The following TMC4 variants were observed in gnomAD, a reference collection of about 807,000 sequenced individuals.
The protein encoded by TMC4 is voltage-gated chloride channel TMC4.
TMC4 carries 70 observed loss-of-function variants against 82.0 expected under a neutral mutation model. That is an observed-to-expected ratio of 0.85 (90% CI 0.70 to 1.04). The LOEUF (loss-of-function observed/expected upper bound fraction) is 1.04, where lower values mean the gene tolerates loss of function less well. Ranked by LOEUF, TMC4 falls within the 50% of genes least tolerant of loss-of-function variation. TMC4 has a pLI of 0.00. For missense variants in TMC4, 879 were observed against 899.0 expected, an observed-to-expected ratio of 0.98 and a Z score of 0.28; for synonymous variants, 446 against 406.0, an observed-to-expected ratio of 1.10 and a Z score of -1.18.
chr19:54,167,834 G>A (rs553953990), intron 5 of TMC4, among the ~76,000 whole-genome samples: 5 of 151,786 alleles, frequency 3.3e-5, no homozygotes, highest in East Asian at 4.0e-4. Context: ...AGGCCGAGGC[G>A]GGTGGATCAC....
rs2075530054 is a variant in TMC4, at chr19:54,160,922, G to A, written c.1929C>T (p.Phe643=). The A allele has an allele frequency of 1.2e-6, 2 of 1,614,158 alleles. No homozygotes were observed. The highest frequency in any genetic ancestry group is 1.3e-5 in the African/African-American group (1 of 75,034). Residue 643 remains phenylalanine, a synonymous_variant, in exon 13 of 15, where the codon TTC becomes TTT. Transcript: ENST00000619895. The part of the protein sequence containing the change: ...LPETTQNFLF[F]LGTQAFAVPL... ...GCACAGCAAAAGCCTGGGTCCCCAGGAAGAAGAGGAAATTCTGGGTGGTCT... is the reference window on the plus strand; with the variant it reads ...GCACAGCAAAAGCCTGGGTCCCCAGAAAGAAGAGGAAATTCTGGGTGGTCT...
chr19:54,168,401 T>C (rs573919792), intron 4 of TMC4, 47 bp downstream of exon 4: 139 of 1,519,492 alleles, frequency 9.1e-5, no homozygotes, highest in South Asian at 3.9e-4. Flanking sequence ...TTGAAGGCAC[T>C]GGGGTCACAG....
Position 54,163,755 on chromosome 19 carries a change from G to A in TMC4, c.1246C>T (p.Arg416Trp), listed in dbSNP as rs116032274. The A allele has an allele frequency of 2.6e-5, 42 of 1,613,960 alleles. No homozygotes were observed. In the East Asian group the frequency reaches 8.5e-4, roughly 33 times the overall value. Residue 416 changes from arginine to tryptophan, a missense_variant, in exon 8 of 15, where the codon CGG becomes TGG. By Grantham distance (101) the Arg-to-Trp change is moderately radical. Coordinates refer to ENST00000619895, the MANE Select transcript of TMC4 (RefSeq NM_144686.4). ...AGGATAAAAACGATCTGGCGACTCCGAGTGTAGCCCTCCAGTGGAGCAATG... is the reference window on the plus strand; with the variant it reads ...AGGATAAAAACGATCTGGCGACTCCAAGTGTAGCCCTCCAGTGGAGCAATG... ...KLIAPLEGYT[R>W]SRQIVFILLR...
intron 8 of TMC4, 119 bp downstream of exon 8, chr19:54,163,605 A>G (rs539626303): frequency 1.6e-6 from 2 of 1,275,402 alleles, no homozygotes; most frequent in Non-Finnish European, 2.3e-6. Flanking sequence ...CAACAGAGTC[A>G]GGATTTGAAT....
rs77486722 is a variant in TMC4, at chr19:54,172,645, G to C, written c.79+394C>G. ...CTCAGGCCCAGGAGTCCGGGTGCCA[G>C]CCTCTACTTCCCCTGGACCCAGGGG... On this transcript the variant is annotated intron_variant, in intron 1 of 14. Coordinates refer to ENST00000619895, the MANE Select transcript of TMC4 (RefSeq NM_144686.4). 6 of 278,986 alleles carry C rather than the reference G, an allele frequency of 2.2e-5. No individual in the cohort carries two copies. In the Admixed American group the frequency reaches 2.6e-4, roughly 12 times the overall value. The allele number at this position is 278,986 out of a possible 1,614,324, so 17.3% of individuals were successfully genotyped here.
At chr19:54,160,396 G>A (rs2075510304) in intron 14 of TMC4, 22 bp from the exon 15 acceptor site, 2 of 1,572,356 alleles carry the variant, frequency 1.3e-6, no homozygotes, top group East Asian at 4.5e-5. Flanking sequence ...AGAGGTGGAG[G>A]TGAGACAATC....
chr19:54,163,312 T>C (rs1385306156), intron 8 of TMC4, 153 bp from the exon 9 acceptor site: 671 of 312,474 alleles, frequency 2.1e-3, no homozygotes, highest in Admixed American at 2.9e-3. Context: ...TTCTTTCTTT[T>C]TTTTTTTTTT....
Position 54,161,064 on chromosome 19 carries a change from T to A in TMC4, c.1818-31A>T, listed in dbSNP as rs748508222. ...GTCAAGACAGGCTGGGCTCACATAG[T>A]GCCAGGAGTCTGAACACTGAATGGG... is the stretch of plus-strand genomic sequence containing the variant. On this transcript the variant is annotated intron_variant, in intron 12 of 14. Transcript: ENST00000619895. 3.1e-6 allele frequency: 5 copies of A among 1,612,768 alleles called. No individual in the cohort carries two copies. The South Asian group carries it at 5.5e-5, about 18-fold the overall frequency.
chr19:54,172,633 G>A (rs1467081272), intron 1 of TMC4: 1 of 283,884 alleles, frequency 3.5e-6, no homozygotes, highest in Non-Finnish European at 6.4e-6. Flanking sequence ...AGGCCCAGGA[G>A]TCCGGGTGCC....
At chr19:54,162,071 C>T (rs2075567854) in intron 11 of TMC4, 31 bp downstream of exon 11, 4 of 1,576,038 alleles carry the variant, frequency 2.5e-6, no homozygotes, top group Middle Eastern at 1.7e-4. Context: ...TACCTCCTGC[C>T]TCAGACCCAA....
rs79583907 is a variant in TMC4, at chr19:54,170,611, G to GTTTTA, written c.294-956_294-952dup. The stretch of plus-strand genomic sequence containing the variant: ...AGGCTACACACATCCTCCTGTGTTT[G>GTTTTA]TTTTATTTTATTTTATTTTAATTTT... On this transcript the variant is annotated intron_variant, in intron 2 of 14. Coordinates refer to ENST00000619895, the MANE Select transcript of TMC4 (RefSeq NM_144686.4). 2.9e-5 allele frequency among the ~76,000 whole-genome samples: 4 copies of GTTTTA among 137,688 alleles called. No individual in the cohort carries two copies. The East Asian group carries it at 8.0e-4, about 28-fold the overall frequency. The allele number at this position is 137,688 out of a possible 152,430, so 90.3% of individuals were successfully genotyped here.
At chr19:54,167,060 C>T (rs994218059) in intron 5 of TMC4, among the ~76,000 whole-genome samples, 9 of 151,738 alleles carry the variant, frequency 5.9e-5, no homozygotes, top group East Asian at 5.8e-4. Context: ...GGAGTTTGAG[C>T]GCAGCCTGGG....
intron 2 of TMC4, among the ~76,000 whole-genome samples, 175 bp from the exon 3 acceptor site, chr19:54,169,835 A>T (rs2075840804): frequency 6.6e-6 from 1 of 152,134 alleles, no homozygotes; most frequent in Admixed American, 6.5e-5. Context: ...CAGGCCTGTA[A>T]TCCCAGCACT....
Position 54,165,549 on chromosome 19 carries a change from T to G in TMC4, c.815A>C (p.Lys272Thr), listed in dbSNP as rs766243819. The G allele has an allele frequency of 6.2e-7, 1 of 1,608,818 alleles. No homozygotes were observed. The highest frequency in any genetic ancestry group is 1.7e-5 in the Admixed American group (1 of 59,866). The change falls in exon 6 of 15, where the codon AAG becomes ACG. Residue 272 changes from lysine to threonine, a missense_variant. By Grantham distance (78) the Lys-to-Thr change is moderately conservative. Transcript: ENST00000619895. ...LILHRSVSGL[K>T]QTLLAESEAL... is the part of the protein sequence containing the mutation. ...CTCGGACTCCGCCAGCAGTGTCTGC[T>G]TCAGCCCAGACACCGAGCTGAGAGG...
At chr19:54,167,240 G>GT (rs1377674348) in intron 5 of TMC4, among the ~76,000 whole-genome samples, 13 of 152,098 alleles carry the variant, frequency 8.5e-5, no homozygotes, top group Middle Eastern at 3.2e-3. Context: ...CGCTAGCCGG[G>GT]TGACAGAGTG....
rs1200938664 is a variant in TMC4, at chr19:54,168,307, CG to C, written c.676-16del. 1.9e-6 allele frequency: 3 copies of C among 1,548,872 alleles called. No homozygotes were observed. The highest frequency in any genetic ancestry group is 1.7e-6 in the Non-Finnish European group (2 of 1,145,832). On this transcript the variant is annotated splice_polypyrimidine_tract_variant and intron_variant, in intron 4 of 14. Transcript: ENST00000619895. ...TCCAGGTAACCCTGTGGGGGGAAGG[CG>C]GCGCAGGGGCCACTGTGGGAGGAGG...
intron 2 of TMC4, among the ~76,000 whole-genome samples, chr19:54,170,410 C>T (rs914874401): frequency 2.6e-5 from 4 of 151,536 alleles, no homozygotes; most frequent in East Asian, 1.9e-4. Context: ...AGGGGAGGGA[C>T]GCACAGGGTG....
intron 9 of TMC4, 47 bp downstream of exon 9, chr19:54,162,986 T>A: frequency 6.2e-7 from 1 of 1,613,830 alleles, no homozygotes; most frequent in African/African-American, 1.3e-5. Context: ...AGCTCCATCT[T>A]TCCTTCAGGG....
At chr19:54,160,442 C>G (rs766104863) in intron 14 of TMC4, 25 bp downstream of exon 14, 41 of 1,611,158 alleles carry the variant, frequency 2.5e-5, no homozygotes, top group Non-Finnish European at 3.2e-5. Flanking sequence ...CCCCAGGGGC[C>G]CTCTCAGGGA....
Sources: allele counts gnomAD v4.1 joint callset (sites outside exome capture counted in the v4.1 genomes callset), GRCh38; gene constraint gnomAD v4.1.1; transcripts MANE v1.5; gene names NCBI Gene and HGNC (gene_info 2026-07-23, HGNC 2026-07-21).